Variants in HSPG2 observed in about 807,000 individuals in gnomAD.
HSPG2 encodes heparan sulfate proteoglycan 2.
In HSPG2, 278 loss-of-function variants were observed where a neutral mutation model predicts 526.6. The ratio of observed to expected loss-of-function variants is 0.53; its 90% CI spans 0.48 to 0.58. The LOEUF (loss-of-function observed/expected upper bound fraction) is 0.58, where lower values mean the gene tolerates loss of function less well. HSPG2 is among the 20% of genes least tolerant of loss of function. HSPG2 has a pLI of 0.00. For missense variants in HSPG2, 5,354 were observed against 6,099.5 expected (o/e 0.88, Z 4.07); for synonymous variants, 2,465 against 2,555.4 (o/e 0.96, Z 1.07).
chr1:21,835,983 C>CA (rs71569851), intron 75 of HSPG2, among the ~76,000 whole-genome samples: 24,052 of 75,288 alleles, frequency 0.32, 3,319 homozygotes, highest in African/African-American at 0.41. Context: ...GATTCCATCT[C>CA]AAAAAAAAAA....
chr1:21,924,134 C>T (rs551086573), intron 1 of HSPG2, among the ~76,000 whole-genome samples: 103 of 152,288 alleles, frequency 6.8e-4, no homozygotes, highest in Non-Finnish European at 4.0e-4. Flanking sequence ...ATCTGCTTCC[C>T]TAGCCCAGAG....
chr1:21,842,987 T>G (rs974556464), intron 66 of HSPG2, 66 bp from the exon 67 acceptor site: 111 of 1,585,212 alleles, frequency 7.0e-5, no homozygotes, highest in Non-Finnish European at 8.7e-5. Flanking sequence ...CTGAAGGTGG[T>G]GGCAGTGAAG....
In HSPG2 at chr1:21,854,183, G is replaced by A. The variant is rs1355715636; in HGVS notation, c.6439+10C>T. 2 of 1,573,898 alleles carry A rather than the reference G, an allele frequency of 1.3e-6. No homozygotes were observed. Among genetic ancestry groups the A allele is most frequent in the Non-Finnish European group, 1.7e-6 (2 of 1,157,520 alleles). ...GCTCAGCCCCGGCCCAGCCACACCT[G>A]GCTCCTCACCTGGGGTGTAGCTGGG... On this transcript the variant is annotated intron_variant, in intron 50 of 96. Coordinates refer to ENST00000374695, the MANE Select transcript of HSPG2 (RefSeq NM_005529.7).
At chr1:21,851,510 T>C in intron 55 of HSPG2, 36 bp downstream of exon 55, 1 of 1,612,748 alleles carries the variant, frequency 6.2e-7, no homozygotes, top group Non-Finnish European at 8.5e-7. Context: ...GGGACCCGCT[T>C]CCTCTTCTTG....
chr1:21,930,075 C>T (rs2152804442), intron 1 of HSPG2, among the ~76,000 whole-genome samples: 1 of 152,246 alleles, frequency 6.6e-6, no homozygotes, highest in East Asian at 1.9e-4. Flanking sequence ...TCTGCCACCC[C>T]CCTGCCTGCT....
intron 3 of HSPG2, among the ~76,000 whole-genome samples, chr1:21,894,181 A>G (rs1269825699): frequency 6.6e-6 from 1 of 151,950 alleles, no homozygotes; most frequent in East Asian, 1.9e-4. Flanking sequence ...GCTATCAGGG[A>G]CGGGTCTTGA....
At position 21,828,852 on chromosome 1, in the gene HSPG2, G is replaced by A. The variant is rs140139732; in HGVS notation, c.12220C>T (p.Arg4074Cys). The A allele has an allele frequency of 1.9e-3, 2,897 of 1,551,072 alleles. 20 individuals carry two copies. Among genetic ancestry groups the A allele is most frequent in the Non-Finnish European group, 1.1e-3 (1,215 of 1,147,082 alleles). Residue 4074 changes from arginine to cysteine, a missense_variant, in exon 88 of 97, where the codon CGC (arginine) becomes TGC (cysteine). Arg to Cys is a radical substitution (Grantham distance 180). Coordinates refer to ENST00000374695, the MANE Select transcript of HSPG2 (RefSeq NM_005529.7). The surrounding 1 kb of genome is among the most constrained non-coding windows in gnomAD (Gnocchi z 6.0). Reference sequence around the variant, plus strand: ...GCTCTTACCTCGCCCACACAGCCGCGGAAGTGAGCGCTCATGTTGGTGGCC... The same window carrying A: ...GCTCTTACCTCGCCCACACAGCCGCAGAAGTGAGCGCTCATGTTGGTGGCC... ...SPATNMSAHF[R>C]GCVGEVSVNG...
At chr1:21,909,216 C>T (rs1022969180) in intron 1 of HSPG2, among the ~76,000 whole-genome samples, 8 of 152,308 alleles carry the variant, frequency 5.3e-5, no homozygotes, top group Middle Eastern at 6.8e-3. Flanking sequence ...TTCATTTATA[C>T]CTCCCCTCTT....
chr1:21,862,376 G>C (rs965942322), intron 37 of HSPG2, among the ~76,000 whole-genome samples: 3 of 152,046 alleles, frequency 2.0e-5, no homozygotes, highest in African/African-American at 7.2e-5. Flanking sequence ...CTGAGGTCAG[G>C]AGTTCAAGGC....
chr1:21,897,058 C>T (rs1557805943), intron 1 of HSPG2, among the ~76,000 whole-genome samples: 1 of 152,132 alleles, frequency 6.6e-6, no homozygotes, highest in African/African-American at 2.4e-5. Context: ...CTATGTGGGC[C>T]GGAGCAGAAG....
intron 1 of HSPG2, among the ~76,000 whole-genome samples, chr1:21,911,896 C>T (rs757393390): frequency 1.3e-5 from 2 of 152,238 alleles, no homozygotes; most frequent in Non-Finnish European, 2.9e-5. Context: ...CCTCTGAACT[C>T]TCACATACCC....
chr1:21,890,647 G>T lies in HSPG2; in HGVS notation c.292C>A (p.Pro98Thr). The change falls in exon 4 of 97, where the codon CCT becomes ACT. Residue 98 changes from proline to threonine, a missense_variant. By Grantham distance (38) the Pro-to-Thr change is conservative. Transcript: ENST00000374695. This position sits in a 1 kb window ranked among gnomAD's most constrained non-coding sequence, Gnocchi z 4.1. ...VNFTRSIEYSPQLEDAGSREF... is the reference protein window; with the variant it reads ...VNFTRSIEYSTQLEDAGSREF... ...CTGGAGCCTGCATCCTCCAGCTGAG[G>T]GCTGTACTCGATGGAGCGAGTGAAA... is the stretch of plus-strand genomic sequence containing the variant. 6.2e-7 allele frequency: 1 copy of T among 1,614,044 alleles called. No individual in the cohort carries two copies.
intron 1 of HSPG2, among the ~76,000 whole-genome samples, chr1:21,925,037 A>G (rs1203680306): frequency 6.6e-6 from 1 of 152,164 alleles, no homozygotes; most frequent in Non-Finnish European, 1.5e-5. Flanking sequence ...GCATCCGGAG[A>G]GTAGGGACCA....
chr1:21,855,743 C>T, intron 45 of HSPG2, 44 bp downstream of exon 45: 1 of 1,609,134 alleles, frequency 6.2e-7, no homozygotes, highest in Non-Finnish European at 8.5e-7. Flanking sequence ...CCTCCCACAC[C>T]CAGGAGAGTC....
intron 17 of HSPG2, among the ~76,000 whole-genome samples, 192 bp downstream of exon 17, chr1:21,879,915 A>T (rs975047165): frequency 6.6e-6 from 1 of 152,172 alleles, no homozygotes; most frequent in Non-Finnish European, 1.5e-5. Flanking sequence ...GGCTTCCCAA[A>T]GTGCTGGGAT....
Position 21,896,184 on chromosome 1 carries a change from T to G in HSPG2, c.190A>C (p.Ile64Leu), listed in dbSNP as rs1642734344. 1 of 1,613,766 alleles carries G rather than the reference T, an allele frequency of 6.2e-7. No homozygotes were observed. The highest frequency in any genetic ancestry group is 8.5e-7 in the Non-Finnish European group (1 of 1,179,976). The change falls in exon 2 of 97, where the codon ATC (isoleucine) becomes CTC (leucine). Residue 64 changes from isoleucine (I) to leucine (L), a missense_variant. Coordinates refer to ENST00000374695, the MANE Select transcript of HSPG2 (RefSeq NM_005529.7). ...TGGATCCTTGGCTCACCTCCTGAGA[T>G]GCTGTCAGCCAGCATGTCCTCATCA... ...SDDEDMLADS[I>L]SGDDLGSGDL...
chr1:21,894,021 C>T (rs1165444375), intron 3 of HSPG2, among the ~76,000 whole-genome samples: 1 of 151,716 alleles, frequency 6.6e-6, no homozygotes, highest in African/African-American at 2.4e-5. Context: ...GGGAAGAGGG[C>T]CCAGGGCAGG....
In HSPG2 at chr1:21,835,019, CCAAGGA is replaced by C. The variant is rs762630049; in HGVS notation, c.10454-80_10454-75del. 3.2e-6 allele frequency: 5 copies of C among 1,550,082 alleles called. No homozygotes were observed. The East Asian group carries it at 1.1e-4, about 35-fold the overall frequency. ...TGGCCCGAGGGAGGCCATAGACTGCCCAAGGAAAGGTGAGCACTGAAGCTCCAGCAT... is the reference window on the plus strand; with the variant it reads ...TGGCCCGAGGGAGGCCATAGACTGCCAAGGTGAGCACTGAAGCTCCAGCAT... On this transcript the variant is annotated intron_variant, in intron 76 of 96. Coordinates refer to ENST00000374695, the MANE Select transcript of HSPG2 (RefSeq NM_005529.7).
In HSPG2 at chr1:21,881,460, A is replaced by G; in HGVS notation, c.1697T>C (p.Leu566Pro). ...GTCGATCTGCAGCTGCGTGGAGGAG[A>G]GGGGTGGCGTGCCGGGCTGCGCAGG... is the stretch of plus-strand genomic sequence containing the variant. ...TMPAQPGTPP[L>P]SSTQLQIDPS... The change falls in exon 14 of 97, where the codon CTC becomes CCC. Residue 566 changes from leucine to proline, a missense_variant. Coordinates refer to ENST00000374695, the MANE Select transcript of HSPG2 (RefSeq NM_005529.7). 4 of 1,613,128 alleles carry G rather than the reference A, an allele frequency of 2.5e-6. No individual in the cohort carries two copies. The highest frequency in any genetic ancestry group is 3.4e-6 in the Non-Finnish European group (4 of 1,179,986).
Sources: allele counts gnomAD v4.1 joint callset (sites outside exome capture counted in the v4.1 genomes callset), GRCh38; gene constraint gnomAD v4.1.1; non-coding constraint Gnocchi (gnomAD v3.1); transcripts MANE v1.5; gene names NCBI Gene and HGNC (gene_info 2026-07-23, HGNC 2026-07-21).